The following THBS4 variants were observed in gnomAD, a reference collection of about 807,000 sequenced individuals.
THBS4 encodes thrombospondin 4.
Under a neutral mutation model 115.7 loss-of-function variants are expected in THBS4, and 90 were observed. The observed-to-expected ratio is 0.78, with a 90% CI of 0.66 to 0.93. The LOEUF is 0.93. THBS4 is among the 40% of genes least tolerant of loss of function. THBS4 has a pLI of 0.00. For missense variants in THBS4, 1,087 were observed against 1,232.7 expected, an observed-to-expected ratio of 0.88 and a Z score of 1.77; for synonymous variants, 460 against 479.3, an observed-to-expected ratio of 0.96 and a Z score of 0.53.
At chr5:80,000,140 T>A (rs1243751914) in intron 2 of THBS4, among the ~76,000 whole-genome samples, 1 of 152,170 alleles carries the variant, frequency 6.6e-6, no homozygotes, top group African/African-American at 2.4e-5. Flanking sequence ...TATTATTAAT[T>A]TATATTACTG....
chr5:80,015,568 AT>A (rs1317079361), intron 2 of THBS4, among the ~76,000 whole-genome samples: 11 of 152,184 alleles, frequency 7.2e-5, no homozygotes, highest in Non-Finnish European at 1.6e-4. Flanking sequence ...TCTCCCTCTG[AT>A]AAGAAACCTC....
At chr5:80,053,463 T>G (rs1187805139) in intron 2 of THBS4, among the ~76,000 whole-genome samples, 1 of 152,008 alleles carries the variant, frequency 6.6e-6, no homozygotes, top group Admixed American at 6.6e-5. Context: ...TTCTTTAATT[T>G]CCTCAGTTTT....
At chr5:80,072,167 C>T in intron 13 of THBS4, 111 bp from the exon 14 acceptor site, 2 of 901,212 alleles carry the variant, frequency 2.2e-6, no homozygotes, top group South Asian at 1.5e-5. Context: ...AGGGTAGTCT[C>T]TGTGTGACAC....
At chr5:80,012,495 A>G (rs1450522713) in intron 2 of THBS4, among the ~76,000 whole-genome samples, 3 of 152,212 alleles carry the variant, frequency 2.0e-5, no homozygotes, top group Non-Finnish European at 2.9e-5. Flanking sequence ...AGGAGGGGCC[A>G]TAAAATGTCT....
At chr5:80,015,745 A>G (rs1832233538) in intron 2 of THBS4, among the ~76,000 whole-genome samples, 2 of 152,180 alleles carry the variant, frequency 1.3e-5, no homozygotes, top group Non-Finnish European at 2.9e-5. Context: ...TGAAGGCACC[A>G]GGGACCAGGG....
intron 2 of THBS4, among the ~76,000 whole-genome samples, chr5:80,015,046 A>G (rs1832219816): frequency 6.6e-6 from 1 of 152,260 alleles, no homozygotes; most frequent in Non-Finnish European, 1.5e-5. Flanking sequence ...AAACTTGGAA[A>G]TGTCACCATT....
chr5:80,078,345 C>T (rs1396210054), intron 17 of THBS4, 118 bp downstream of exon 17: 10 of 859,492 alleles, frequency 1.2e-5, no homozygotes, highest in Non-Finnish European at 1.7e-5. Context: ...CACATTCGCT[C>T]TTATTCCTCA....
At chr5:80,001,066 A>C (rs1831888901) in intron 2 of THBS4, among the ~76,000 whole-genome samples, 1 of 152,222 alleles carries the variant, frequency 6.6e-6, no homozygotes, top group Non-Finnish European at 1.5e-5. Context: ...TTGACTCTCA[A>C]TAAGACTTCT....
chr5:80,021,516 ACTTTG>A (rs1298096835), intron 2 of THBS4, among the ~76,000 whole-genome samples: 1 of 151,770 alleles, frequency 6.6e-6, no homozygotes, highest in East Asian at 1.9e-4. Flanking sequence ...TGTTCATAGT[ACTTTG>A]CTTCTTAGAG....
upstream of THBS4, chr5:80,035,303 C>G (rs1832675264): frequency 1.9e-5 from 3 of 160,038 alleles, no homozygotes; most frequent in Admixed American, 6.4e-5. The surrounding 1 kb of genome is among the most constrained non-coding windows in gnomAD (Gnocchi z 4.6). Context: ...CGGCCCTCCC[C>G]CGCCCGGCCG....
intron 20 of THBS4, 165 bp from the exon 21 acceptor site, chr5:80,082,241 A>G: frequency 2.4e-6 from 2 of 831,212 alleles, no homozygotes; most frequent in Non-Finnish European, 3.7e-6. Context: ...TCTAGTAAGT[A>G]AGTGGCAACA....
intron 2 of THBS4, among the ~76,000 whole-genome samples, chr5:80,001,436 C>G (rs1176411530): frequency 6.6e-6 from 1 of 152,214 alleles, no homozygotes; most frequent in Non-Finnish European, 1.5e-5. Flanking sequence ...ATACCAAGAT[C>G]AATCAGATGT....
intron 1 of THBS4, among the ~76,000 whole-genome samples, chr5:80,038,374 T>C (rs1349098775): frequency 6.6e-6 from 1 of 152,206 alleles, no homozygotes; most frequent in Non-Finnish European, 1.5e-5. Context: ...TCTGTAAGTA[T>C]TCAGCTACAT....
chr5:80,070,326 A>C lies in THBS4; in HGVS notation c.1368A>C (p.Gly456=). 1 of 1,596,480 alleles carries C rather than the reference A, an allele frequency of 6.3e-7. No homozygotes were observed. Among genetic ancestry groups the C allele is most frequent in the African/African-American group, 1.3e-5 (1 of 74,520 alleles). ...TACAGTGTGGAGTCGGTTGGGCTGG[A>C]GATGGCTATATCTGTGGAAAGGATG... is the stretch of plus-strand genomic sequence containing the variant. ...VTCVCGVGWA[G]DGYICGKDVD... Residue 456 remains glycine (G), a synonymous_variant, in exon 11 of 22, where the codon GGA becomes GGC. Coordinates refer to ENST00000350881, the MANE Select transcript of THBS4 (RefSeq NM_003248.6).
chr5:80,058,611 C>A, intron 4 of THBS4, 97 bp from the exon 5 acceptor site: 2 of 1,081,334 alleles, frequency 1.8e-6, no homozygotes, highest in Non-Finnish European at 2.8e-6. Context: ...TTTGAATCAT[C>A]TTGTCAGGAT....
At chr5:80,072,220 G>A (rs1834087808) in intron 13 of THBS4, 58 bp from the exon 14 acceptor site, 1 of 1,493,544 alleles carries the variant, frequency 6.7e-7, no homozygotes, top group African/African-American at 1.5e-5. Flanking sequence ...GATCTCTCCA[G>A]CACCTAGAAG....
At position 80,035,378 on chromosome 5, in the gene THBS4, G is replaced by A; in HGVS notation, c.-160G>A. 3.8e-6 allele frequency: 1 copy of A among 262,424 alleles called. No individual in the cohort carries two copies. Among genetic ancestry groups the A allele is most frequent in the Non-Finnish European group, 6.7e-6 (1 of 149,258 alleles). 16.3% of individuals were successfully genotyped at this position (262,424 alleles called of 1,614,324 possible). On this transcript the variant is annotated 5_prime_UTR_variant, in exon 1 of 22. Transcript: ENST00000350881. The surrounding 1 kb of genome is among the most constrained non-coding windows in gnomAD (Gnocchi z 4.6). ...CCAGCTCCCCAGCACCGCACGGCGG[G>A]GACGCGAGCGCGCCCCCGACGGCAG...
chr5:80,081,656 C>T (rs1473808636), intron 20 of THBS4, among the ~76,000 whole-genome samples: 2 of 152,184 alleles, frequency 1.3e-5, no homozygotes, highest in Non-Finnish European at 2.9e-5. Flanking sequence ...AACAAATTTT[C>T]TCAATTTACC....
At chr5:80,021,712 G>T (rs575598372) in intron 2 of THBS4, among the ~76,000 whole-genome samples, 1 of 152,036 alleles carries the variant, frequency 6.6e-6, no homozygotes, top group Non-Finnish European at 1.5e-5. Flanking sequence ...GTAGAGACGG[G>T]GTCTGTGTTG....
Sources: allele counts gnomAD v4.1 joint callset (sites outside exome capture counted in the v4.1 genomes callset), GRCh38; gene constraint gnomAD v4.1.1; non-coding constraint Gnocchi (gnomAD v3.1); transcripts MANE v1.5; gene names NCBI Gene and HGNC (gene_info 2026-07-23, HGNC 2026-07-21).